Variants in HEMK2 observed in about 807,000 individuals in gnomAD.
The protein encoded by HEMK2 is HemK methyltransferase 2, ETF1 glutamine and histone H4 lysine, also known as methyltransferase HEMK2.
chr21:28,768,089 A>G, the HEMK2 span, among the ~76,000 whole-genome samples: 1,647 of 152,116 alleles, frequency 0.011, 25 homozygotes, highest in African/African-American at 0.037. Context: ...CTTTCATTAT[A>G]TCTCTGAGAG....
At chr21:28,801,182 G>A in the HEMK2 span, among the ~76,000 whole-genome samples, 2 of 152,210 alleles carry the variant, frequency 1.3e-5, no homozygotes, top group Non-Finnish European at 1.5e-5. Context: ...GCACAGAGAG[G>A]CATGTTGACA....
chr21:28,831,728 AAGGAAG>A, the HEMK2 span, among the ~76,000 whole-genome samples: 15 of 140,940 alleles, frequency 1.1e-4, no homozygotes, highest in East Asian at 1.5e-3. Context: ...GGAAGGAAGG[AAGGAAG>A]GAAAGAAAGA....
chr21:28,689,080 T>C, the HEMK2 span, among the ~76,000 whole-genome samples: 4 of 152,060 alleles, frequency 2.6e-5, no homozygotes, highest in African/African-American at 9.7e-5. Flanking sequence ...TAACATACCA[T>C]CAATTAAGAA....
At chr21:28,595,270 T>A in the HEMK2 span, among the ~76,000 whole-genome samples, 7 of 73,690 alleles carry the variant, frequency 9.5e-5, no homozygotes, top group Admixed American at 1.7e-4. Flanking sequence ...TAGGGCTTAT[T>A]CATTCGTTCT....
the HEMK2 span, among the ~76,000 whole-genome samples, chr21:28,654,219 G>A: frequency 6.6e-6 from 1 of 152,138 alleles, no homozygotes; most frequent in African/African-American, 2.4e-5. Context: ...AGAGCATTTA[G>A]TAAGTTATGG....
At chr21:28,719,448 A>G in the HEMK2 span, among the ~76,000 whole-genome samples, 21 of 152,276 alleles carry the variant, frequency 1.4e-4, 1 homozygote, top group South Asian at 4.1e-3. Context: ...CTCCTGCACA[A>G]GCTCACTCTT....
At chr21:28,676,317 A>G in the HEMK2 span, among the ~76,000 whole-genome samples, 3 of 152,128 alleles carry the variant, frequency 2.0e-5, no homozygotes, top group Non-Finnish European at 2.9e-5. Flanking sequence ...TCTACGTTCT[A>G]ATCTCCTCAT....
the HEMK2 span, among the ~76,000 whole-genome samples, chr21:28,818,270 T>C: frequency 2.6e-5 from 4 of 152,126 alleles, no homozygotes; most frequent in Non-Finnish European, 5.9e-5. Context: ...ACTCCAAGTT[T>C]TTCCGCTTTG....
chr21:28,606,733 T>C, the HEMK2 span, among the ~76,000 whole-genome samples: 4 of 152,184 alleles, frequency 2.6e-5, no homozygotes, highest in Admixed American at 6.5e-5. Flanking sequence ...GTTACAGTGA[T>C]AAATAAGACA....
At chr21:28,608,434 A>G in the HEMK2 span, among the ~76,000 whole-genome samples, 4 of 151,870 alleles carry the variant, frequency 2.6e-5, no homozygotes, top group South Asian at 8.3e-4. Context: ...AATGGCTGAT[A>G]GGAGGTAGGA....
chr21:28,847,929 G>A, the HEMK2 span, among the ~76,000 whole-genome samples: 23 of 152,296 alleles, frequency 1.5e-4, no homozygotes, highest in South Asian at 2.3e-3. Context: ...CCAGATAGTC[G>A]TAGATGCGAA....
At chr21:28,703,321 TA>T in the HEMK2 span, among the ~76,000 whole-genome samples, 10 of 148,432 alleles carry the variant, frequency 6.7e-5, no homozygotes, top group South Asian at 4.3e-4. Context: ...AAATAAAAGT[TA>T]AAAAAAAAAG....
chr21:28,725,767 T>C, the HEMK2 span, among the ~76,000 whole-genome samples: 1 of 152,234 alleles, frequency 6.6e-6, no homozygotes, highest in African/African-American at 2.4e-5. Context: ...AATTTGTCTA[T>C]TTTTACTCAT....
At chr21:28,881,324 T>A in the HEMK2 span, among the ~76,000 whole-genome samples, 1,601 of 152,314 alleles carry the variant, frequency 0.011, 13 homozygotes, top group Middle Eastern at 0.02. Context: ...ATGAGGCATT[T>A]TGAAGCCAAT....
chr21:28,679,975 A>T, the HEMK2 span, among the ~76,000 whole-genome samples: 1 of 152,204 alleles, frequency 6.6e-6, no homozygotes, highest in Non-Finnish European at 1.5e-5. Flanking sequence ...ACACCCTAAC[A>T]TCACAATTAA....
the HEMK2 span, among the ~76,000 whole-genome samples, chr21:28,653,710 A>T: frequency 6.6e-6 from 1 of 152,282 alleles, no homozygotes; most frequent in African/African-American, 2.4e-5. Flanking sequence ...CTTCCACAGA[A>T]ATCTTGGACC....
chr21:28,587,719 G>T, the HEMK2 span, among the ~76,000 whole-genome samples: 1 of 152,160 alleles, frequency 6.6e-6, no homozygotes, highest in Admixed American at 6.5e-5. Context: ...TTGATCTACA[G>T]TCTGTCATCT....
the HEMK2 span, among the ~76,000 whole-genome samples, chr21:28,665,391 T>TAAAAAAA: frequency 1.8e-5 from 2 of 108,736 alleles, no homozygotes; most frequent in African/African-American, 8.3e-5. Flanking sequence ...TTTTTAATTT[T>TAAAAAAA]TTTTTTTTTT....
chr21:28,812,727 T>C, the HEMK2 span, among the ~76,000 whole-genome samples: 361 of 152,348 alleles, frequency 2.4e-3, 12 homozygotes, highest in South Asian at 0.058. Context: ...AGCTCCTCTT[T>C]GTACCTCTGG....
Sources: gnomAD v4.1 joint callset for allele counts (sites outside exome capture counted in the v4.1 genomes callset) on GRCh38, gnomAD v4.1.1 for gene constraint, MANE v1.5 for transcripts, NCBI Gene and HGNC (gene_info 2026-07-23, HGNC 2026-07-21) for gene names.